The following DLGAP2 variants were observed in gnomAD, a reference collection of about 807,000 sequenced individuals.
DLGAP2 encodes the protein disks large-associated protein 2.
In DLGAP2, 26 loss-of-function variants were observed where a neutral mutation model predicts 100.3. That is an observed-to-expected ratio of 0.26 (90% CI 0.19 to 0.36). DLGAP2 has a LOEUF of 0.36. Among genes scored for constraint, DLGAP2 ranks in the 10% least tolerant of loss-of-function variants. The pLI is 1.00. For synonymous variants in DLGAP2, 886 were observed against 630.1 expected (o/e 1.41, Z -6.08); for missense variants, 1,858 against 1,453.2 (o/e 1.28, Z -4.53).
intron 3 of DLGAP2, among the ~76,000 whole-genome samples, chr8:1,438,523 A>G (rs1255557992): frequency 6.6e-6 from 1 of 152,206 alleles, no homozygotes; most frequent in Non-Finnish European, 1.5e-5. Context: ...GTGACTCACC[A>G]CTAGCTTTTG....
intron 2 of DLGAP2, among the ~76,000 whole-genome samples, chr8:1,081,312 G>A (rs1803800477): frequency 6.6e-6 from 1 of 152,290 alleles, no homozygotes; most frequent in East Asian, 1.9e-4. Context: ...TATTTGTGTT[G>A]CTAAATTTCT....
intron 3 of DLGAP2, among the ~76,000 whole-genome samples, chr8:1,371,384 C>T (rs1293048568): frequency 6.6e-6 from 1 of 152,188 alleles, no homozygotes; most frequent in African/African-American, 2.4e-5. Context: ...GAGCAGTTGT[C>T]CGCTTGGCAG....
At chr8:1,491,078 A>AAAAAAAAAAAAAAAAAAAAAAAAC (rs1799368223) in intron 3 of DLGAP2, among the ~76,000 whole-genome samples, 1 of 28,984 alleles carries the variant, frequency 3.5e-5, no homozygotes, top group Non-Finnish European at 5.7e-5. Flanking sequence ...ACTGGAAACC[A>AAAAAAAAAAAAAAAAAAAAAAAAC]AAAAAAAAAA....
At chr8:1,231,231 G>GA (rs1798528526) in intron 2 of DLGAP2, among the ~76,000 whole-genome samples, 1 of 152,002 alleles carries the variant, frequency 6.6e-6, no homozygotes, top group Non-Finnish European at 1.5e-5. Flanking sequence ...AAAAACCCAC[G>GA]AAAAAATGCT....
intron 8 of DLGAP2, among the ~76,000 whole-genome samples, chr8:1,649,819 G>T (rs1798123777): frequency 1.3e-5 from 2 of 152,126 alleles, no homozygotes; most frequent in Non-Finnish European, 2.9e-5. Context: ...TTCATCATGG[G>T]GAATATTTGT....
chr8:859,318 G>T (rs905548030), intron 1 of DLGAP2, among the ~76,000 whole-genome samples: 1 of 152,100 alleles, frequency 6.6e-6, no homozygotes, highest in Admixed American at 6.5e-5. Flanking sequence ...CACCATGTTG[G>T]CCAGGCTGGT....
intron 2 of DLGAP2, among the ~76,000 whole-genome samples, chr8:1,112,911 C>T (rs896608569): frequency 6.6e-6 from 1 of 152,076 alleles, no homozygotes; most frequent in Admixed American, 6.6e-5. Flanking sequence ...CAGCTTCAAT[C>T]TTCTACGTAT....
intron 5 of DLGAP2, among the ~76,000 whole-genome samples, chr8:1,554,351 A>G (rs1801884186): frequency 6.6e-6 from 1 of 152,184 alleles, no homozygotes. Flanking sequence ...GGAATGCACG[A>G]TGCTGGCCAT....
At chr8:1,338,748 G>A (rs1163660648) in intron 3 of DLGAP2, among the ~76,000 whole-genome samples, 1 of 152,226 alleles carries the variant, frequency 6.6e-6, no homozygotes, top group Non-Finnish European at 1.5e-5. Context: ...CACGTTGCAG[G>A]ATGAGGTACG....
intron 2 of DLGAP2, among the ~76,000 whole-genome samples, chr8:1,186,807 G>A (rs1387597322): frequency 3.3e-5 from 5 of 152,150 alleles, no homozygotes; most frequent in Non-Finnish European, 7.3e-5. Context: ...ACCTGCAGGA[G>A]TGCCTGGCTT....
intron 1 of DLGAP2, among the ~76,000 whole-genome samples, chr8:820,910 A>C (rs1246210218): frequency 1.3e-5 from 2 of 152,208 alleles, no homozygotes; most frequent in Non-Finnish European, 2.9e-5. Context: ...ATGTTAATAT[A>C]TTAATAGGAA....
At chr8:1,219,903 G>A (rs1798284054) in intron 2 of DLGAP2, among the ~76,000 whole-genome samples, 1 of 151,902 alleles carries the variant, frequency 6.6e-6, no homozygotes, top group South Asian at 2.1e-4. Context: ...TGTGCATAGT[G>A]GTGTTAGTAA....
chr8:1,205,545 T>C (rs1225292415), intron 2 of DLGAP2, among the ~76,000 whole-genome samples: 1 of 152,208 alleles, frequency 6.6e-6, no homozygotes, highest in African/African-American at 2.4e-5. Context: ...TGGTGGCGTC[T>C]GCTCTTAGGA....
intron 1 of DLGAP2, among the ~76,000 whole-genome samples, chr8:862,191 A>G (rs1238319999): frequency 1.3e-5 from 2 of 152,166 alleles, no homozygotes; most frequent in South Asian, 4.2e-4. Context: ...AACAAAAATA[A>G]TCCACGGGCT....
chr8:1,120,164 G>A (rs1348293288), intron 2 of DLGAP2, among the ~76,000 whole-genome samples: 1 of 152,120 alleles, frequency 6.6e-6, no homozygotes, highest in Non-Finnish European at 1.5e-5. Context: ...TGAGAGTTAG[G>A]CTAAGGGTTC....
chr8:1,697,688 C>A (rs117312222), intron 14 of DLGAP2, among the ~76,000 whole-genome samples: 1 of 152,228 alleles, frequency 6.6e-6, no homozygotes, highest in African/African-American at 2.4e-5. Context: ...TGGCTTCCCA[C>A]AGGGAAAGTT....
At chr8:823,697 C>A (rs1399223109) in intron 1 of DLGAP2, among the ~76,000 whole-genome samples, 1 of 151,972 alleles carries the variant, frequency 6.6e-6, no homozygotes, top group Non-Finnish European at 1.5e-5. Flanking sequence ...AGATGTTGAT[C>A]GAAATGTTTT....
intron 3 of DLGAP2, among the ~76,000 whole-genome samples, chr8:1,304,910 C>G (rs1366578365): frequency 6.6e-6 from 1 of 152,236 alleles, no homozygotes; most frequent in African/African-American, 2.4e-5. Context: ...AATCATCTGT[C>G]ATTCATGCAT....
intron 2 of DLGAP2, among the ~76,000 whole-genome samples, chr8:1,179,007 A>G (rs564917522): frequency 6.6e-6 from 1 of 152,286 alleles, no homozygotes; most frequent in South Asian, 2.1e-4. Flanking sequence ...ATTAATTTCG[A>G]GCCCCTGCTG....
Sources: allele counts gnomAD v4.1 joint callset (sites outside exome capture counted in the v4.1 genomes callset), GRCh38; gene constraint gnomAD v4.1.1; transcripts MANE v1.5; gene names NCBI Gene and HGNC (gene_info 2026-07-23, HGNC 2026-07-21).